ZNF727: variants seen among roughly 807,000 people sequenced by gnomAD.
ZNF727 encodes putative zinc finger protein 727.
A neutral mutation model predicts 11.5 loss-of-function variants in ZNF727; 11 were observed. The ratio of observed to expected loss-of-function variants is 0.95; its 90% CI spans 0.60 to 1.58. ZNF727 has a LOEUF of 1.58. Among genes scored for constraint, ZNF727 ranks in the 40% most tolerant of loss-of-function variants. ZNF727 has a pLI of 0.00. For synonymous variants in ZNF727, 171 were observed against 196.1 expected (o/e 0.87, Z 1.07); for missense variants, 533 against 581.7 (o/e 0.92, Z 0.86).
Position 64,063,894 on chromosome 7 carries a change from C to T in ZNF727, c.4-4997C>T, listed in dbSNP as rs188221694. Among the ~76,000 whole-genome samples, 438 of 152,156 alleles carry T rather than the reference C, an allele frequency of 2.9e-3. 1 individual carries two copies. Among genetic ancestry groups the T allele is most frequent in the African/African-American group, 0.01 (419 of 41,528 alleles). ...CTTTCTCAAGCGTAAGAAGCCATTCCCCATTGTCACCACCACCCAGAGCCC... is the reference window on the plus strand; with the variant it reads ...CTTTCTCAAGCGTAAGAAGCCATTCTCCATTGTCACCACCACCCAGAGCCC... On this transcript the variant is annotated intron_variant, in intron 1 of 3. Transcript: ENST00000456806.
chr7:64,070,671 G>A (rs1562796141), intron 3 of ZNF727, among the ~76,000 whole-genome samples: 1 of 151,878 alleles, frequency 6.6e-6, no homozygotes, highest in East Asian at 1.9e-4. Flanking sequence ...CAAATATTCA[G>A]CATACCTAAC....
chr7:64,061,599 A>C (rs1584146617), intron 1 of ZNF727, among the ~76,000 whole-genome samples: 1 of 151,524 alleles, frequency 6.6e-6, no homozygotes, highest in Non-Finnish European at 1.5e-5. Flanking sequence ...TAGGAAACAG[A>C]TTGTTGGGTC....
At chr7:64,060,366 C>T (rs763051912) in intron 1 of ZNF727, among the ~76,000 whole-genome samples, 78 of 152,176 alleles carry the variant, frequency 5.1e-4, no homozygotes, top group Non-Finnish European at 5.7e-4. Context: ...CACAGAGATA[C>T]GCACAAGGCT....
intron 3 of ZNF727, among the ~76,000 whole-genome samples, chr7:64,074,535 T>A (rs1790012363): frequency 6.6e-6 from 1 of 151,968 alleles, no homozygotes; most frequent in South Asian, 2.1e-4. Context: ...GTGAGAGGAG[T>A]AGGGGAGACA....
intron 1 of ZNF727, among the ~76,000 whole-genome samples, chr7:64,064,714 A>G (rs1789835676): frequency 6.6e-6 from 1 of 152,146 alleles, no homozygotes; most frequent in Non-Finnish European, 1.5e-5. Flanking sequence ...GCTACCTGAA[A>G]CTAAAGTTTT....
chr7:64,073,377 T>G (rs2116321296), intron 3 of ZNF727, among the ~76,000 whole-genome samples: 1 of 151,932 alleles, frequency 6.6e-6, no homozygotes, highest in Non-Finnish European at 1.5e-5. Flanking sequence ...TGTTTTCTGG[T>G]CAATTATTCT....
At chr7:64,063,390 T>C (rs746826492) in intron 1 of ZNF727, among the ~76,000 whole-genome samples, 89 of 152,258 alleles carry the variant, frequency 5.8e-4, no homozygotes, top group South Asian at 4.4e-3. Flanking sequence ...GAGGTACCAC[T>C]TTGGTGGTCA....
intron 1 of ZNF727, among the ~76,000 whole-genome samples, chr7:64,053,054 A>C (rs901213569): frequency 1.3e-5 from 2 of 152,098 alleles, no homozygotes; most frequent in Admixed American, 6.5e-5. Context: ...GTGGACTTTT[A>C]AGTTAATGCT....
chr7:64,053,476 A>C (rs1789634653), intron 1 of ZNF727, among the ~76,000 whole-genome samples: 1 of 152,074 alleles, frequency 6.6e-6, no homozygotes, highest in Non-Finnish European at 1.5e-5. Flanking sequence ...GTGTGCCATT[A>C]TGCCCAGGTA....
Position 64,085,299 on chromosome 7 carries a change from A to G in ZNF727, c.*6750A>G, listed in dbSNP as rs1164896704. On this transcript the variant is annotated 3_prime_UTR_variant, in exon 4 of 4. Transcript: ENST00000456806. ...GTTATTGATCATTTTACTTTGTAAA[A>G]TTGATATAATTGATTTTATTAAATT... Among the ~76,000 whole-genome samples, 1 of 152,196 alleles carries G rather than the reference A, an allele frequency of 6.6e-6. No individual in the cohort carries two copies. Among genetic ancestry groups the G allele is most frequent in the Admixed American group, 6.5e-5 (1 of 15,274 alleles).
rs1785811222 is a variant in ZNF727, at chr7:64,082,665, C to T, written c.*4116C>T. Among the ~76,000 whole-genome samples, 1 of 152,104 alleles carries T rather than the reference C, an allele frequency of 6.6e-6. No individual in the cohort carries two copies. ...CCGAGGCAGGTGGATTGCCTGAGCT[C>T]AGGAGTTCAAGACCAGCCTGGGCAA... is the stretch of plus-strand genomic sequence containing the variant. On this transcript the variant is annotated 3_prime_UTR_variant, in exon 4 of 4. Transcript: ENST00000456806.
intron 1 of ZNF727, among the ~76,000 whole-genome samples, chr7:64,051,571 G>A (rs542234248): frequency 1.3e-5 from 2 of 152,178 alleles, no homozygotes; most frequent in African/African-American, 4.8e-5. Context: ...ATTATTATGT[G>A]GGTAATGTTT....
chr7:64,070,091 C>G (rs2861507), intron 3 of ZNF727, among the ~76,000 whole-genome samples: 98,604 of 151,864 alleles, frequency 0.65, 32,403 homozygotes, highest in Admixed American at 0.72. Context: ...GTGCTTCCTG[C>G]TTTATAATTT....
rs891117667 is a variant in ZNF727 at position 64,081,563 on chromosome 7, C to T, written c.*3014C>T. Among the ~76,000 whole-genome samples the T allele has an allele frequency of 6.6e-6, 1 of 152,000 alleles. No homozygotes were observed. Among genetic ancestry groups the T allele is most frequent in the Non-Finnish European group, 1.5e-5 (1 of 67,982 alleles). ...TGAGCTGGTGCAGTCACAGGGGCTG[C>T]CTTGCCGGAGCTCTTCATGGGTCAG... On this transcript the variant is annotated 3_prime_UTR_variant, in exon 4 of 4. Transcript: ENST00000456806.
chr7:64,057,482 C>T (rs1231421393), intron 1 of ZNF727, among the ~76,000 whole-genome samples: 2 of 152,100 alleles, frequency 1.3e-5, no homozygotes, highest in Non-Finnish European at 2.9e-5. Flanking sequence ...TGCATGCTCT[C>T]ATACTAATAA....
chr7:64,068,850 T>C (rs1789912116), intron 1 of ZNF727, 41 bp from the exon 2 acceptor site: 1 of 1,554,744 alleles, frequency 6.4e-7, no homozygotes, highest in South Asian at 1.2e-5. Flanking sequence ...AAATCAAGAA[T>C]TATTTCTTTG....
intron 1 of ZNF727, among the ~76,000 whole-genome samples, chr7:64,067,148 C>T (rs1789882099): frequency 6.6e-6 from 1 of 150,868 alleles, no homozygotes; most frequent in Non-Finnish European, 1.5e-5. Flanking sequence ...TGAAAAAAAA[C>T]TCATCATCAC....
At chr7:64,058,683 T>C (rs536257238) in intron 1 of ZNF727, among the ~76,000 whole-genome samples, 2 of 152,320 alleles carry the variant, frequency 1.3e-5, no homozygotes, top group African/African-American at 4.8e-5. Context: ...CCTGTAAAAC[T>C]AAATAATTCA....
intron 1 of ZNF727, among the ~76,000 whole-genome samples, chr7:64,047,247 T>C (rs1789522416): frequency 6.6e-6 from 1 of 152,230 alleles, no homozygotes; most frequent in South Asian, 2.1e-4. Context: ...CATTCCCCAA[T>C]GCCGACTATC....
Sources: allele counts gnomAD v4.1 joint callset (sites outside exome capture counted in the v4.1 genomes callset), GRCh38; gene constraint gnomAD v4.1.1; transcripts MANE v1.5; gene names NCBI Gene and HGNC (gene_info 2026-07-23, HGNC 2026-07-21).